Variants in CDH23 observed in about 807,000 individuals in gnomAD.
CDH23 encodes cadherin-23.
A neutral mutation model predicts 317.1 loss-of-function variants in CDH23; 189 were observed. The ratio of observed to expected loss-of-function variants is 0.60; its 90% CI spans 0.53 to 0.67. The LOEUF is 0.67. Among genes scored for constraint, CDH23 ranks in the 30% least tolerant of loss-of-function variants. The pLI is 0.00. For synonymous variants in CDH23, 1,839 were observed against 1,876.8 expected (o/e 0.98, Z 0.52); for missense variants, 4,401 against 4,592.4 (o/e 0.96, Z 1.20).
rs544211824 is a variant in CDH23 at position 71,751,318 on chromosome 10, C to T, written c.4845+9397C>T. 6.7e-5 allele frequency: 108 copies of T among 1,604,284 alleles called. No individual in the cohort carries two copies. The highest frequency in any genetic ancestry group is 2.5e-4 in the South Asian group (22 of 89,684). Reference sequence around the variant, plus strand: ...GCAAGAAAAGGAGAAGCAAAGTGAACGGGGCCCCTCTGCCCCTCACCCTCA... The same window carrying T: ...GCAAGAAAAGGAGAAGCAAAGTGAATGGGGCCCCTCTGCCCCTCACCCTCA... On this transcript the variant is annotated intron_variant, in intron 38 of 69. Coordinates refer to ENST00000224721, the MANE Select transcript of CDH23 (RefSeq NM_022124.6). This position sits in a 1 kb window ranked among gnomAD's most constrained non-coding sequence, Gnocchi z 4.9.
intron 9 of CDH23, among the ~76,000 whole-genome samples, chr10:71,597,485 CTG>C (rs1456321119): frequency 6.6e-6 from 1 of 152,170 alleles, no homozygotes; most frequent in Non-Finnish European, 1.5e-5. Flanking sequence ...CGCCCTGAAG[CTG>C]CCACAGGTAC....
chr10:71,453,137 A>G (rs963960657), intron 3 of CDH23, among the ~76,000 whole-genome samples: 11 of 152,210 alleles, frequency 7.2e-5, no homozygotes, highest in African/African-American at 4.8e-5. Flanking sequence ...TTAAGCCACA[A>G]TTAAGGTGAT....
chr10:71,716,264 G>C, intron 28 of CDH23: 1 of 1,543,260 alleles, frequency 6.5e-7, no homozygotes. Context: ...GGTCCCGGGA[G>C]TGACGGGAGC....
At chr10:71,667,991 G>A (rs1032355181) in intron 14 of CDH23, among the ~76,000 whole-genome samples, 2 of 152,092 alleles carry the variant, frequency 1.3e-5, no homozygotes, top group African/African-American at 4.8e-5. Context: ...CCTCAGGTTG[G>A]GCCACACAGC....
chr10:71,634,171 G>C (rs1328689135), intron 11 of CDH23, among the ~76,000 whole-genome samples: 1 of 152,362 alleles, frequency 6.6e-6, no homozygotes, highest in Admixed American at 6.5e-5. Context: ...AAAGCAGAGG[G>C]CTGGAGACCC....
In CDH23 at chr10:71,716,486, C is replaced by A. The variant is rs953123062; in HGVS notation, c.3369+3673C>A. On this transcript the variant is annotated intron_variant, in intron 28 of 69. Transcript: ENST00000224721. ...ATCATGGCCACATCACAGGTTAAGA[C>A]AGCAAGGTCCAGAGACATCACAAGT... 1.4e-5 allele frequency: 9 copies of A among 635,544 alleles called. No individual in the cohort carries two copies. In the Admixed American group the frequency reaches 2.7e-4, roughly 19 times the overall value. The allele number at this position is 635,544 out of a possible 1,614,324, so 39.4% of individuals were successfully genotyped here.
intron 11 of CDH23, among the ~76,000 whole-genome samples, chr10:71,635,544 G>A (rs1167490363): frequency 6.6e-6 from 1 of 152,142 alleles, no homozygotes; most frequent in African/African-American, 2.4e-5. Context: ...TCCCGTCTGT[G>A]CAGGCGTGTG....
chr10:71,552,369 T>C (rs1404750383), intron 6 of CDH23, among the ~76,000 whole-genome samples: 1 of 152,214 alleles, frequency 6.6e-6, no homozygotes, highest in Non-Finnish European at 1.5e-5. Context: ...TGCCCTTGAC[T>C]CTCAGAAAGT....
In CDH23 at chr10:71,597,797, G is replaced by A. The variant is rs540062313; in HGVS notation, c.833-17707G>A. 1.3e-4 allele frequency among the ~76,000 whole-genome samples: 20 copies of A among 152,282 alleles called. No homozygotes were observed. In the South Asian group the frequency reaches 2.1e-3, roughly 16 times the overall value. ...CATAAATATTTATCAGGCACCTCTCGTACTCACTGCTGGGGATATGGCCAT... is the reference window on the plus strand; with the variant it reads ...CATAAATATTTATCAGGCACCTCTCATACTCACTGCTGGGGATATGGCCAT... On this transcript the variant is annotated intron_variant, in intron 9 of 69. Coordinates refer to ENST00000224721, the MANE Select transcript of CDH23 (RefSeq NM_022124.6).
In CDH23 at chr10:71,734,667, C is replaced by G; in HGVS notation, c.4209+9C>G. On this transcript the variant is annotated intron_variant, in intron 34 of 69. Transcript: ENST00000224721. The stretch of plus-strand genomic sequence containing the variant: ...GCCTCTGCCTACAGAAGGTGAGTAG[C>G]CTGTGGCTGGAGCTTCCCCTGTGCT... 7.0e-7 allele frequency: 1 copy of G among 1,432,966 alleles called. No individual in the cohort carries two copies. The highest frequency in any genetic ancestry group is 9.4e-7 in the Non-Finnish European group (1 of 1,060,294). The allele number at this position is 1,432,966 out of a possible 1,614,324, so 88.8% of individuals were successfully genotyped here. A position where few individuals can be genotyped will look rare whatever the true frequency, so the allele number is the denominator to read the frequency against.
chr10:71,738,486 G>A lies in CDH23; in HGVS notation c.4210-12G>A, dbSNP rs115948943. 4.3e-6 allele frequency: 7 copies of A among 1,613,892 alleles called. No individual in the cohort carries two copies. Among genetic ancestry groups the A allele is most frequent in the Non-Finnish European group, 5.9e-6 (7 of 1,179,880 alleles). ...AAGGAGGCTGTAGGTCTCTGACCAC[G>A]TTCACCCTCAGGTCTACATCACTGT... is the stretch of plus-strand genomic sequence containing the variant. On this transcript the variant is annotated splice_polypyrimidine_tract_variant and intron_variant, in intron 34 of 69. Coordinates refer to ENST00000224721, the MANE Select transcript of CDH23 (RefSeq NM_022124.6).
chr10:71,617,489 C>T, intron 11 of CDH23, 96 bp downstream of exon 11: 1 of 1,529,782 alleles, frequency 6.5e-7, no homozygotes, highest in Non-Finnish European at 8.8e-7. Context: ...AAAATAGAAA[C>T]AAACATTGCG....
intron 11 of CDH23, among the ~76,000 whole-genome samples, chr10:71,622,262 T>G (rs957874580): frequency 6.6e-6 from 1 of 152,124 alleles, no homozygotes. Flanking sequence ...ACATATTCTT[T>G]GTATTTTCTC....
chr10:71,776,969 C>T (rs115771500), intron 38 of CDH23, among the ~76,000 whole-genome samples: 1 of 152,326 alleles, frequency 6.6e-6, no homozygotes, highest in African/African-American at 2.4e-5. Context: ...TTCTTGAGTG[C>T]TGATTGCCGA....
At chr10:71,810,441 G>A (rs1461009984) in intron 61 of CDH23, 31 bp from the exon 62 acceptor site, 2 of 1,605,700 alleles carry the variant, frequency 1.2e-6, no homozygotes, top group Non-Finnish European at 1.7e-6. Context: ...TGCTGTGGTG[G>A]CCACACCCTA....
intron 9 of CDH23, among the ~76,000 whole-genome samples, chr10:71,585,306 T>A (rs1858974338): frequency 6.6e-6 from 1 of 152,146 alleles, no homozygotes; most frequent in African/African-American, 2.4e-5. Context: ...CCTGTTAATA[T>A]CTGTGAATGC....
At chr10:71,413,098 T>G (rs1848405879) in intron 1 of CDH23, among the ~76,000 whole-genome samples, 2 of 152,180 alleles carry the variant, frequency 1.3e-5, no homozygotes, top group South Asian at 4.1e-4. Context: ...ATCTAAGAAG[T>G]TTATAGTTGT....
chr10:71,611,394 C>G (rs1860881866), intron 9 of CDH23, among the ~76,000 whole-genome samples: 1 of 152,154 alleles, frequency 6.6e-6, no homozygotes, highest in Non-Finnish European at 1.5e-5. Context: ...TGGCGAGGCT[C>G]TCCTGGCAAA....
intron 14 of CDH23, among the ~76,000 whole-genome samples, chr10:71,660,805 G>A (rs1665693): frequency 0.37 from 56,773 of 151,736 alleles, 11,212 homozygotes; most frequent in South Asian, 0.56. Flanking sequence ...TTGGAAGTGT[G>A]GGTGGTGATA....
Sources: allele counts gnomAD v4.1 joint callset (sites outside exome capture counted in the v4.1 genomes callset), GRCh38; gene constraint gnomAD v4.1.1; non-coding constraint Gnocchi (gnomAD v3.1); transcripts MANE v1.5; gene names NCBI Gene and HGNC (gene_info 2026-07-23, HGNC 2026-07-21).